CPNE8: variants seen among roughly 807,000 people sequenced by gnomAD.
The protein encoded by CPNE8 is copine 8, also known as copine-8.
In CPNE8, 45 loss-of-function variants were observed where a neutral mutation model predicts 81.5. The ratio of observed to expected loss-of-function variants is 0.55; its 90% CI spans 0.44 to 0.71. The LOEUF (loss-of-function observed/expected upper bound fraction) is 0.71. Ranked by LOEUF, CPNE8 falls within the 30% of genes least tolerant of loss-of-function variation. CPNE8 has a pLI of 0.00. For missense variants in CPNE8, 594 were observed against 672.1 expected (o/e 0.88, Z 1.28); for synonymous variants, 252 against 226.3 (o/e 1.11, Z -1.02).
At chr12:38,814,927 T>TTA (rs887782227) in intron 6 of CPNE8, among the ~76,000 whole-genome samples, 39 of 152,062 alleles carry the variant, frequency 2.6e-4, no homozygotes, top group South Asian at 8.3e-4. Context: ...AATTTTAACT[T>TTA]TATATATATA....
Position 38,793,753 on chromosome 12 carries a change from T to C in CPNE8, c.408-17452A>G, listed in dbSNP as rs182602653. ...TAATTCATATAGAACCTCGAGGGACTCCAAATAGCCAAAGCAACTGTGAAA... is the reference window on the plus strand; with the variant it reads ...TAATTCATATAGAACCTCGAGGGACCCCAAATAGCCAAAGCAACTGTGAAA... On this transcript the variant is annotated intron_variant, in intron 6 of 19. Transcript: ENST00000331366. 9.4e-3 allele frequency among the ~76,000 whole-genome samples: 1,432 copies of C among 152,042 alleles called. 20 individuals are homozygous for C. Among genetic ancestry groups the C allele is most frequent in the South Asian group, 0.041 (196 of 4,814 alleles).
At chr12:38,768,085 T>TA (rs1168979637) in intron 7 of CPNE8, among the ~76,000 whole-genome samples, 2 of 151,710 alleles carry the variant, frequency 1.3e-5, no homozygotes, top group Non-Finnish European at 2.9e-5. Context: ...AGAACATAGT[T>TA]AAAAAAATTC....
At chr12:38,668,011 C>A (rs769773954) in intron 19 of CPNE8, among the ~76,000 whole-genome samples, 2 of 152,128 alleles carry the variant, frequency 1.3e-5, no homozygotes, top group African/African-American at 2.4e-5. Flanking sequence ...GTTGGCCAGG[C>A]GGGTCTTGAA....
At chr12:38,857,549 G>A (rs1336819506) in intron 3 of CPNE8, among the ~76,000 whole-genome samples, 1 of 152,192 alleles carries the variant, frequency 6.6e-6, no homozygotes, top group Non-Finnish European at 1.5e-5. Flanking sequence ...TGGGGAAAGT[G>A]AGCAAACAGG....
At chr12:38,774,142 G>A (rs1941869004) in intron 7 of CPNE8, among the ~76,000 whole-genome samples, 1 of 152,102 alleles carries the variant, frequency 6.6e-6, no homozygotes, top group South Asian at 2.1e-4. Context: ...CAACAAGAGA[G>A]TAGAACTGAA....
At chr12:38,664,828 G>A (rs112741590) in intron 19 of CPNE8, among the ~76,000 whole-genome samples, 52 of 152,218 alleles carry the variant, frequency 3.4e-4, no homozygotes, top group African/African-American at 1.2e-3. Flanking sequence ...TTTGTTAGGT[G>A]AGCACAGAGT....
chr12:38,839,608 A>T (rs1217249083), intron 5 of CPNE8, among the ~76,000 whole-genome samples: 1 of 152,074 alleles, frequency 6.6e-6, no homozygotes, highest in Non-Finnish European at 1.5e-5. Context: ...GCAAAAAGAC[A>T]CTTGCAATTT....
chr12:38,829,928 CTACCACT>C (rs1350679637), intron 5 of CPNE8, among the ~76,000 whole-genome samples: 1 of 152,158 alleles, frequency 6.6e-6, no homozygotes, highest in Non-Finnish European at 1.5e-5. Context: ...TATTCTAGTA[CTACCACT>C]TACTAACTGT....
intron 9 of CPNE8, 49 bp downstream of exon 9, chr12:38,762,063 A>AT (rs1592067626): frequency 3.0e-6 from 3 of 992,082 alleles, no homozygotes; most frequent in Non-Finnish European, 4.2e-6. Context: ...ATCACTGTAG[A>AT]TTTTTTTAAA....
intron 4 of CPNE8, among the ~76,000 whole-genome samples, chr12:38,840,969 C>A (rs994339807): frequency 2.0e-5 from 3 of 152,162 alleles, no homozygotes; most frequent in African/African-American, 4.8e-5. Flanking sequence ...TTTCAAATTT[C>A]TTGTGAATAA....
chr12:38,721,059 G>A (rs573309152), intron 13 of CPNE8: 219 of 152,812 alleles, frequency 1.4e-3, no homozygotes, highest in African/African-American at 4.9e-3. Flanking sequence ...GTTGGCTTCC[G>A]CTCTAATCTT....
rs371684737 is a variant in CPNE8, at chr12:38,826,883, A to T, written c.407+2496T>A. On this transcript the variant is annotated intron_variant, in intron 6 of 19. Transcript: ENST00000331366. ...TTACTAATTTAAAAATATGTATACCACATAGGCTGGGTGCAGTGGCTCACG... is the reference window on the plus strand; with the variant it reads ...TTACTAATTTAAAAATATGTATACCTCATAGGCTGGGTGCAGTGGCTCACG... 4.6e-5 allele frequency among the ~76,000 whole-genome samples: 7 copies of T among 152,062 alleles called. No homozygotes were observed. In the East Asian group the frequency reaches 7.7e-4, roughly 17 times the overall value.
chr12:38,702,592 C>T (rs1294338409), intron 14 of CPNE8, among the ~76,000 whole-genome samples: 1 of 151,984 alleles, frequency 6.6e-6, no homozygotes, highest in Non-Finnish European at 1.5e-5. Flanking sequence ...GGCTTCAGTA[C>T]ATCTAAAATT....
chr12:38,869,417 T>C (rs1943959500), intron 3 of CPNE8, among the ~76,000 whole-genome samples: 1 of 152,202 alleles, frequency 6.6e-6, no homozygotes, highest in Non-Finnish European at 1.5e-5. Flanking sequence ...TCATTATCAT[T>C]ATTTCTCATG....
intron 6 of CPNE8, among the ~76,000 whole-genome samples, chr12:38,799,422 T>C (rs1222839739): frequency 1.3e-5 from 2 of 151,988 alleles, no homozygotes; most frequent in African/African-American, 2.4e-5. Flanking sequence ...ACATGGAAAC[T>C]GAACAACCTG....
intron 19 of CPNE8, among the ~76,000 whole-genome samples, chr12:38,658,752 C>A (rs929873521): frequency 1.3e-5 from 2 of 152,144 alleles, no homozygotes; most frequent in African/African-American, 4.8e-5. Flanking sequence ...ATTCAACATT[C>A]TTAAAGAAAA....
intron 6 of CPNE8, among the ~76,000 whole-genome samples, chr12:38,797,634 C>A (rs1942525419): frequency 6.6e-6 from 1 of 152,104 alleles, no homozygotes; most frequent in Non-Finnish European, 1.5e-5. Flanking sequence ...CTCTAAAAAG[C>A]AGAGTGCCTC....
intron 6 of CPNE8, among the ~76,000 whole-genome samples, chr12:38,805,832 G>A (rs1053308398): frequency 1.3e-5 from 2 of 149,222 alleles, no homozygotes; most frequent in African/African-American, 4.9e-5. Context: ...TTTTTGAAAG[G>A]ATCAACAAAA....
chr12:38,803,734 C>T (rs879370836), intron 6 of CPNE8, among the ~76,000 whole-genome samples: 120 of 148,212 alleles, frequency 8.1e-4, no homozygotes, highest in East Asian at 3.3e-3. Context: ...TGTTTGCAGA[C>T]GACATGATTG....
Sources: gnomAD v4.1 joint callset for allele counts (sites outside exome capture counted in the v4.1 genomes callset) on GRCh38, gnomAD v4.1.1 for gene constraint, MANE v1.5 for transcripts, NCBI Gene and HGNC (gene_info 2026-07-23, HGNC 2026-07-21) for gene names.